The following ANKRD11 variants were observed in gnomAD, a reference collection of about 807,000 sequenced individuals.
The protein encoded by ANKRD11 is ankyrin repeat domain-containing protein 11.
ANKRD11 carries 17 observed loss-of-function variants against 195.7 expected under a neutral mutation model. The ratio of observed to expected loss-of-function variants is 0.09; its 90% CI spans 0.06 to 0.13. The LOEUF (loss-of-function observed/expected upper bound fraction) is 0.13. Among genes scored for constraint, ANKRD11 ranks in the 10% least tolerant of loss-of-function variants. ANKRD11 has a pLI of 1.00. For synonymous variants in ANKRD11, 1,953 were observed against 1,528.1 expected, an observed-to-expected ratio of 1.28 and a Z score of -6.49; for missense variants, 3,735 against 3,566.1, an observed-to-expected ratio of 1.05 and a Z score of -1.21.
At chr16:89,373,214 A>T (rs911425137) in intron 2 of ANKRD11, 1 of 152,282 alleles carries the variant, frequency 6.6e-6, no homozygotes, top group African/African-American at 2.4e-5. Context: ...TTTACCCAAG[A>T]TTGTGAAGCA....
At chr16:89,456,957 CTTTTTTTTTTT>C (rs56161810) in intron 1 of ANKRD11, among the ~76,000 whole-genome samples, 1 of 138,220 alleles carries the variant, frequency 7.2e-6, no homozygotes, top group Non-Finnish European at 1.6e-5. Flanking sequence ...TTATGTGAGT[CTTTTTTTTTTT>C]TTTTTTTTTG....
intron 2 of ANKRD11, among the ~76,000 whole-genome samples, chr16:89,404,170 T>C (rs2041816169): frequency 6.6e-6 from 1 of 152,104 alleles, no homozygotes; most frequent in Non-Finnish European, 1.5e-5. Flanking sequence ...AGCCCACAGG[T>C]GGCTCGACCC....
chr16:89,333,274 T>C (rs1383020134), intron 2 of ANKRD11, among the ~76,000 whole-genome samples: 4 of 152,180 alleles, frequency 2.6e-5, no homozygotes, highest in Non-Finnish European at 4.4e-5. Flanking sequence ...CACAGCAAAA[T>C]TGAGCATGAA....
chr16:89,377,881 G>C (rs1286478857), intron 2 of ANKRD11, among the ~76,000 whole-genome samples: 7 of 151,494 alleles, frequency 4.6e-5, no homozygotes, highest in Non-Finnish European at 1.0e-4. Context: ...CATGAGAACA[G>C]CATGACCACC....
chr16:89,286,556 A>C, intron 7 of ANKRD11: 1 of 760,544 alleles, frequency 1.3e-6, no homozygotes, highest in Non-Finnish European at 1.8e-6. Context: ...TGAGCTCCTC[A>C]GCAGAGTGGT....
At chr16:89,464,275 C>T (rs1597490158) in intron 1 of ANKRD11, among the ~76,000 whole-genome samples, 1 of 150,154 alleles carries the variant, frequency 6.7e-6, no homozygotes, top group South Asian at 2.1e-4. Flanking sequence ...GGAATCTAAC[C>T]CTCTTATCTA....
chr16:89,326,924 G>A (rs1432399783), intron 2 of ANKRD11, among the ~76,000 whole-genome samples: 1 of 152,218 alleles, frequency 6.6e-6, no homozygotes, highest in Non-Finnish European at 1.5e-5. Context: ...AGGTTCCACA[G>A]ACACACGACC....
At chr16:89,271,967 T>C (rs1184043526) in intron 11 of ANKRD11, 2 of 151,942 alleles carry the variant, frequency 1.3e-5, no homozygotes, top group Admixed American at 6.6e-5. Context: ...ACGCACAGAA[T>C]GGGAGGAAAC....
chr16:89,370,321 G>A (rs950874313), intron 2 of ANKRD11, among the ~76,000 whole-genome samples: 9 of 152,178 alleles, frequency 5.9e-5, no homozygotes, highest in Admixed American at 1.3e-4. Context: ...TTTCTGGAAG[G>A]AGCTGTGAGC....
At chr16:89,322,822 C>T (rs1597633161) in intron 2 of ANKRD11, among the ~76,000 whole-genome samples, 1 of 152,332 alleles carries the variant, frequency 6.6e-6, no homozygotes, top group Middle Eastern at 3.4e-3. Context: ...GCTCCAGATA[C>T]CTTAGCTTTA....
At chr16:89,476,368 C>T (rs1389547409) in intron 1 of ANKRD11, among the ~76,000 whole-genome samples, 2 of 152,180 alleles carry the variant, frequency 1.3e-5, no homozygotes, top group Admixed American at 6.5e-5. Flanking sequence ...AGACTGTTAA[C>T]GTGTCCTATT....
chr16:89,290,785 C>T lies in ANKRD11; in HGVS notation c.441G>A (p.Gln147=). The change falls in exon 6 of 13, where the codon CAG becomes CAA. Residue 147 remains glutamine (Q), a synonymous_variant. Coordinates refer to ENST00000301030, the MANE Select transcript of ANKRD11 (RefSeq NM_013275.6). ...TTGAGGCAGAGTTGGGCGTTCCCTT[C>T]TGACACACTGTAGACTGGGAGGGGT... is the stretch of plus-strand genomic sequence containing the variant. ...PKHPSQSTVC[Q]KGTPNSASKT... 6.2e-7 allele frequency: 1 copy of T among 1,614,096 alleles called. No homozygotes were observed. The highest frequency in any genetic ancestry group is 8.5e-7 in the Non-Finnish European group (1 of 1,180,014).
chr16:89,281,653 C>T lies in ANKRD11; in HGVS notation c.4889G>A (p.Gly1630Glu). The change falls in exon 9 of 13, where the codon GGG becomes GAG. Residue 1630 changes from glycine (G) to glutamate (E), a missense_variant. By Grantham distance (98) the Gly-to-Glu change is moderately conservative. Transcript: ENST00000301030. The surrounding 1 kb of genome is among the most constrained non-coding windows in gnomAD (Gnocchi z 5.5). ...AGGAATGTCCAGACCCTTCTTCCGC[C>T]CGTCGTCTGCCGGCTTCGCCTTCTC... ...LKEKAKPADD[G>E]RKKGLDIPAK... 1.2e-6 allele frequency: 2 copies of T among 1,614,182 alleles called. No homozygotes were observed. Among genetic ancestry groups the T allele is most frequent in the Non-Finnish European group, 1.7e-6 (2 of 1,180,024 alleles).
chr16:89,271,174 C>T (rs780086367), intron 11 of ANKRD11: 18 of 516,858 alleles, frequency 3.5e-5, no homozygotes, highest in Non-Finnish European at 5.3e-5. Context: ...ACCTGTGAGC[C>T]GGTCCCCAGC....
At chr16:89,321,837 T>C (rs1216665686) in intron 2 of ANKRD11, among the ~76,000 whole-genome samples, 3 of 152,302 alleles carry the variant, frequency 2.0e-5, no homozygotes, top group African/African-American at 7.2e-5. Flanking sequence ...TTCTTCCACC[T>C]CTGCCTCTCC....
chr16:89,384,000 AC>A (rs1386743817), intron 2 of ANKRD11, among the ~76,000 whole-genome samples: 4 of 152,154 alleles, frequency 2.6e-5, no homozygotes, highest in Non-Finnish European at 5.9e-5. Flanking sequence ...CAGGCAGGTC[AC>A]CTGAGCTCAG....
chr16:89,456,951 G>A (rs1439042523), intron 1 of ANKRD11, among the ~76,000 whole-genome samples: 1 of 118,280 alleles, frequency 8.5e-6, no homozygotes, highest in South Asian at 3.1e-4. Context: ...TGTTCGTTAT[G>A]TGAGTCTTTT....
intron 3 of ANKRD11, among the ~76,000 whole-genome samples, chr16:89,312,158 A>G (rs2036640111): frequency 6.6e-6 from 1 of 152,188 alleles, no homozygotes; most frequent in Non-Finnish European, 1.5e-5. Flanking sequence ...TCGGCCTCCC[A>G]AAGTGCTGGG....
intron 1 of ANKRD11, among the ~76,000 whole-genome samples, chr16:89,465,106 T>C (rs896667534): frequency 1.3e-5 from 2 of 152,260 alleles, no homozygotes; most frequent in African/African-American, 2.4e-5. Flanking sequence ...ACAGCCAGGC[T>C]CGTTTTAAGT....
Sources: allele counts gnomAD v4.1 joint callset (sites outside exome capture counted in the v4.1 genomes callset), GRCh38; gene constraint gnomAD v4.1.1; non-coding constraint Gnocchi (gnomAD v3.1); transcripts MANE v1.5; gene names NCBI Gene and HGNC (gene_info 2026-07-23, HGNC 2026-07-21).